The following LRRN1 variants were observed in gnomAD, a reference collection of about 807,000 sequenced individuals.
LRRN1 encodes the protein leucine-rich repeat neuronal protein 1.
Under a neutral mutation model 45.8 loss-of-function variants are expected in LRRN1, and 14 were observed. The ratio of observed to expected loss-of-function variants is 0.31; its 90% CI spans 0.20 to 0.48. The LOEUF (loss-of-function observed/expected upper bound fraction) is 0.48, where lower values mean the gene tolerates loss of function less well. Among genes scored for constraint, LRRN1 ranks in the 20% least tolerant of loss-of-function variants. LRRN1 has a pLI of 0.99. For synonymous variants in LRRN1, 359 were observed against 330.1 expected (o/e 1.09, Z -0.95); for missense variants, 789 against 874.2 (o/e 0.90, Z 1.23).
intron 1 of LRRN1, among the ~76,000 whole-genome samples, chr3:3,821,265 ATT>A (rs1361205202): frequency 6.6e-6 from 1 of 152,106 alleles, no homozygotes; most frequent in African/African-American, 2.4e-5. Context: ...TGAAACCTCC[ATT>A]TCTCATTCCC....
chr3:3,827,405 G>A (rs1321977673), intron 1 of LRRN1: 2 of 456,434 alleles, frequency 4.4e-6, no homozygotes, highest in South Asian at 1.5e-5. Context: ...GGGACAGGAG[G>A]ATCCTTCTGG....
intron 1 of LRRN1, among the ~76,000 whole-genome samples, chr3:3,803,772 A>C (rs1377322530): frequency 3.3e-5 from 5 of 152,202 alleles, no homozygotes; most frequent in Admixed American, 3.3e-4. Flanking sequence ...TGTAAAATTC[A>C]ATACTTTAGT....
chr3:3,834,628 TTATTAAG>T (rs1331363545), intron 1 of LRRN1, among the ~76,000 whole-genome samples: 1 of 142,846 alleles, frequency 7.0e-6, no homozygotes, highest in Non-Finnish European at 1.5e-5. Flanking sequence ...AAAGGAGAGT[TTATTAAG>T]TATTAACATG....
intron 1 of LRRN1, among the ~76,000 whole-genome samples, chr3:3,819,163 T>C (rs1693050619): frequency 6.6e-6 from 1 of 152,078 alleles, no homozygotes; most frequent in African/African-American, 2.4e-5. Flanking sequence ...AATTTTTGTA[T>C]TTTTTGTAGG....
In LRRN1 at chr3:3,844,577, A is replaced by G. The variant is rs1693715718; in HGVS notation, c.-65A>G. 2 of 1,225,200 alleles carry G rather than the reference A, an allele frequency of 1.6e-6. No individual in the cohort carries two copies. Among genetic ancestry groups the G allele is most frequent in the Admixed American group, 4.2e-5 (2 of 48,122 alleles). 75.9% of individuals were successfully genotyped at this position (1,225,200 alleles called of 1,614,324 possible). A position where few individuals can be genotyped will look rare whatever the true frequency, so the allele number is the denominator to read the frequency against. On this transcript the variant is annotated 5_prime_UTR_variant, in exon 2 of 2. Transcript: ENST00000319331. ...TCTGCTCGCTGTCCTACATATCACA[A>G]TATAGTGTTCACGTTTTGTTAAAAC...
chr3:3,843,116 C>G (rs1468014232), intron 1 of LRRN1, among the ~76,000 whole-genome samples: 1 of 152,212 alleles, frequency 6.6e-6, no homozygotes, highest in African/African-American at 2.4e-5. Flanking sequence ...ACACTAAGAA[C>G]TTTACATAGA....
chr3:3,819,780 C>T (rs1356792332), intron 1 of LRRN1, among the ~76,000 whole-genome samples: 1 of 152,038 alleles, frequency 6.6e-6, no homozygotes, highest in Non-Finnish European at 1.5e-5. Context: ...TTTTTGAATC[C>T]ACAATCCGTA....
intron 1 of LRRN1, among the ~76,000 whole-genome samples, chr3:3,808,426 G>C (rs929502967): frequency 6.6e-6 from 1 of 152,200 alleles, no homozygotes; most frequent in Non-Finnish European, 1.5e-5. Flanking sequence ...CAAACAACTA[G>C]TGTGTATGTA....
chr3:3,800,876 G>C (rs944589273), intron 1 of LRRN1: 1 of 152,408 alleles, frequency 6.6e-6, no homozygotes, highest in African/African-American at 2.4e-5. Flanking sequence ...GGTCAGAAGC[G>C]AGGAAAGTTT....
At chr3:3,822,285 C>A (rs186065993) in intron 1 of LRRN1, among the ~76,000 whole-genome samples, 7 of 152,316 alleles carry the variant, frequency 4.6e-5, no homozygotes, top group Admixed American at 2.6e-4. Context: ...GTTACTCTTA[C>A]AACTACTACT....
chr3:3,840,917 A>G (rs866108971), intron 1 of LRRN1, among the ~76,000 whole-genome samples: 3 of 152,346 alleles, frequency 2.0e-5, no homozygotes, highest in Middle Eastern at 6.8e-3. Flanking sequence ...CTATTTCTCA[A>G]TACTAACAGA....
At chr3:3,827,534 G>T (rs1693250921) in intron 1 of LRRN1, 1 of 455,796 alleles carries the variant, frequency 2.2e-6, no homozygotes, top group Non-Finnish European at 4.4e-6. Flanking sequence ...GGAAATCTTG[G>T]TTGAACAAAA....
rs528349298 is a variant in LRRN1, at chr3:3,839,685, C to G, written c.-278-4679C>G. ...TTATCTCTTAACAATTTTCATTGTA[C>G]AAGTCTTTTGCCTCCTCAGTTCGAT... On this transcript the variant is annotated intron_variant, in intron 1 of 1. Transcript: ENST00000319331. Among the ~76,000 whole-genome samples, 4 of 152,192 alleles carry G rather than the reference C, an allele frequency of 2.6e-5. No individual in the cohort carries two copies. In the South Asian group the frequency reaches 6.2e-4, roughly 24 times the overall value.
Position 3,848,427 on chromosome 3 carries a change from A to G in LRRN1, c.*1635A>G, listed in dbSNP as rs1693823156. Reference sequence around the variant, plus strand: ...GAAAATAAAGGTTGTTTCAAAAGGCAGCTGCCGCCAGGCACACAGCATTCC... The same window carrying G: ...GAAAATAAAGGTTGTTTCAAAAGGCGGCTGCCGCCAGGCACACAGCATTCC... On this transcript the variant is annotated 3_prime_UTR_variant, in exon 2 of 2. Transcript: ENST00000319331. Among the ~76,000 whole-genome samples the G allele has an allele frequency of 6.6e-6, 1 of 152,204 alleles. No individual in the cohort carries two copies. Among genetic ancestry groups the G allele is most frequent in the Non-Finnish European group, 1.5e-5 (1 of 68,036 alleles).
intron 1 of LRRN1, among the ~76,000 whole-genome samples, chr3:3,842,730 G>T (rs1246816065): frequency 6.6e-6 from 1 of 152,132 alleles, no homozygotes; most frequent in African/African-American, 2.4e-5. Context: ...CAAGACTCAA[G>T]TGCACTATAG....
At chr3:3,803,457 T>A (rs565436425) in intron 1 of LRRN1, among the ~76,000 whole-genome samples, 8 of 152,162 alleles carry the variant, frequency 5.3e-5, no homozygotes, top group Non-Finnish European at 1.2e-4. Flanking sequence ...AAATAATAGT[T>A]CCCCGAATGA....
chr3:3,819,126 T>C (rs1693049429), intron 1 of LRRN1, among the ~76,000 whole-genome samples: 1 of 152,084 alleles, frequency 6.6e-6, no homozygotes, highest in South Asian at 2.1e-4. Context: ...TAGGTAGGAC[T>C]ATAGGCACAC....
Position 3,846,074 on chromosome 3 carries a change from T to C in LRRN1, c.1433T>C (p.Leu478Pro). ...GAAACCCTTTCAGATAAATACAAGC[T>C]AAGTAGCGAAGGTACCTTGGAAATA... is the stretch of plus-strand genomic sequence containing the variant. Reference protein sequence around the residue: ...TVETLSDKYKLSSEGTLEISN... With the variant: ...TVETLSDKYKPSSEGTLEISN... The change falls in exon 2 of 2, where the codon CTA becomes CCA. Residue 478 changes from leucine to proline, a missense_variant. Coordinates refer to ENST00000319331, the MANE Select transcript of LRRN1 (RefSeq NM_020873.7). The surrounding 1 kb of genome is among the most constrained non-coding windows in gnomAD (Gnocchi z 5.7). 6.2e-7 allele frequency: 1 copy of C among 1,614,078 alleles called. No individual in the cohort carries two copies. The highest frequency in any genetic ancestry group is 8.5e-7 in the Non-Finnish European group (1 of 1,180,002).
chr3:3,817,410 T>C (rs1693010772), intron 1 of LRRN1, among the ~76,000 whole-genome samples: 1 of 152,252 alleles, frequency 6.6e-6, no homozygotes, highest in African/African-American at 2.4e-5. Flanking sequence ...TTGAGTTCTA[T>C]CAAGTCAAAG....
Sources: gnomAD v4.1 joint callset for allele counts (sites outside exome capture counted in the v4.1 genomes callset) on GRCh38, gnomAD v4.1.1 for gene constraint, Gnocchi (gnomAD v3.1) non-coding constraint, MANE v1.5 for transcripts, NCBI Gene and HGNC (gene_info 2026-07-23, HGNC 2026-07-21) for gene names.